The following LRP1B variants were observed in gnomAD, a reference collection of about 807,000 sequenced individuals.
The protein encoded by LRP1B is low-density lipoprotein receptor-related protein 1B.
Under a neutral mutation model 556.6 loss-of-function variants are expected in LRP1B, and 217 were observed. That is an observed-to-expected ratio of 0.39 (90% CI 0.35 to 0.44). LRP1B has a LOEUF of 0.44. Among genes scored for constraint, LRP1B ranks in the 20% least tolerant of loss-of-function variants. The pLI, the probability that LRP1B is intolerant of heterozygous loss-of-function variation, is 1.00. For missense variants in LRP1B, 5,053 were observed against 5,620.8 expected (o/e 0.90, Z 3.23); for synonymous variants, 2,047 against 1,865.8 (o/e 1.10, Z -2.50).
intron 37 of LRP1B, among the ~76,000 whole-genome samples, chr2:140,709,450 G>A (rs1574267213): frequency 6.6e-6 from 1 of 150,896 alleles, no homozygotes; most frequent in Non-Finnish European, 1.5e-5. Context: ...AGGAGCAGGA[G>A]GAAGAAGAAG....
rs941057806 is a variant in LRP1B at position 140,438,086 on chromosome 2, G to A, written c.10414+4418C>T. On this transcript the variant is annotated intron_variant, in intron 66 of 90. Transcript: ENST00000389484. ...TAGGCTACAGTACAGGTGCAACCAT[G>A]GTTCACTGCAGCATCAATCTCCTGG... Among the ~76,000 whole-genome samples, 6 of 152,242 alleles carry A rather than the reference G, an allele frequency of 3.9e-5. 1 individual carries two copies. The highest frequency in any genetic ancestry group is 6.8e-3 in the Middle Eastern group (2 of 294).
intron 24 of LRP1B, among the ~76,000 whole-genome samples, chr2:140,885,334 ATATATT>A: frequency 6.6e-6 from 1 of 151,754 alleles, no homozygotes. Flanking sequence ...CAAAAGAAAT[ATATATT>A]TATGTCAACG....
chr2:141,533,742 T>C (rs1255995764), intron 2 of LRP1B, among the ~76,000 whole-genome samples: 1 of 152,176 alleles, frequency 6.6e-6, no homozygotes, highest in Non-Finnish European at 1.5e-5. Context: ...TGTTTCTTTT[T>C]GTTACAATGC....
At chr2:141,933,687 G>C (rs548746294) in intron 1 of LRP1B, among the ~76,000 whole-genome samples, 9 of 152,166 alleles carry the variant, frequency 5.9e-5, no homozygotes, top group African/African-American at 2.2e-4. Context: ...CTAATAAAAT[G>C]ATTAAAAACA....
chr2:141,598,211 T>G (rs889550984), intron 2 of LRP1B, among the ~76,000 whole-genome samples: 7 of 152,076 alleles, frequency 4.6e-5, no homozygotes, highest in Non-Finnish European at 1.0e-4. Flanking sequence ...ACTATGAATA[T>G]TATTCATCTT....
chr2:141,070,460 C>T (rs918376723), intron 7 of LRP1B, among the ~76,000 whole-genome samples: 3 of 151,644 alleles, frequency 2.0e-5, no homozygotes, highest in African/African-American at 7.3e-5. Context: ...AAAGCAAGAG[C>T]AAACACATTC....
intron 41 of LRP1B, among the ~76,000 whole-genome samples, chr2:140,604,644 T>C (rs1682801154): frequency 6.6e-6 from 1 of 152,090 alleles, no homozygotes; most frequent in African/African-American, 2.4e-5. Context: ...TCACGTCCAT[T>C]AAACACTGGT....
chr2:140,289,400 A>C (rs543008079), intron 84 of LRP1B, among the ~76,000 whole-genome samples: 22 of 152,122 alleles, frequency 1.4e-4, no homozygotes, highest in Non-Finnish European at 3.1e-4. Flanking sequence ...ATACTGATAA[A>C]TCCCCAATGC....
intron 45 of LRP1B, among the ~76,000 whole-genome samples, chr2:140,539,399 T>G (rs16844198): frequency 0.026 from 3,909 of 152,224 alleles, 54 homozygotes; most frequent in African/African-American, 0.034. Context: ...ACAATGGACG[T>G]CGTCTGCCTC....
chr2:140,906,015 T>C (rs1173571917), intron 22 of LRP1B, among the ~76,000 whole-genome samples: 1 of 152,186 alleles, frequency 6.6e-6, no homozygotes, highest in African/African-American at 2.4e-5. Context: ...CTTTTCCTTA[T>C]ATACATTGCT....
chr2:140,657,706 T>G (rs539654698), intron 41 of LRP1B, among the ~76,000 whole-genome samples: 3 of 150,648 alleles, frequency 2.0e-5, no homozygotes, highest in Non-Finnish European at 4.4e-5. Flanking sequence ...GAATCATCAG[T>G]AAGCTAGAAA....
chr2:141,775,665 T>C (rs1044229724), intron 2 of LRP1B, among the ~76,000 whole-genome samples: 2 of 152,190 alleles, frequency 1.3e-5, no homozygotes, highest in African/African-American at 2.4e-5. Flanking sequence ...GCATTAAAGA[T>C]AGACAGGATG....
intron 43 of LRP1B, among the ~76,000 whole-genome samples, chr2:140,544,992 C>G (rs1574063895): frequency 6.6e-6 from 1 of 152,178 alleles, no homozygotes; most frequent in East Asian, 1.9e-4. Context: ...GCCATTCTGA[C>G]TGGTGTGAGA....
At chr2:141,260,086 T>C (rs1321428873) in intron 3 of LRP1B, among the ~76,000 whole-genome samples, 2 of 152,166 alleles carry the variant, frequency 1.3e-5, no homozygotes, top group Non-Finnish European at 2.9e-5. Flanking sequence ...TTGTCATCTC[T>C]TGATGTCTCC....
At chr2:140,748,354 A>ATTATATTCATATG (rs1688409848) in intron 35 of LRP1B, among the ~76,000 whole-genome samples, 1 of 85,220 alleles carries the variant, frequency 1.2e-5, no homozygotes, top group Admixed American at 1.3e-4. Flanking sequence ...ATATTCATAT[A>ATTATATTCATATG]TAATATATAT....
intron 1 of LRP1B, among the ~76,000 whole-genome samples, chr2:141,886,629 T>A (rs1699122419): frequency 6.6e-6 from 1 of 152,222 alleles, no homozygotes; most frequent in Non-Finnish European, 1.5e-5. Flanking sequence ...TCCCAGTACA[T>A]CTGCCAAATA....
intron 31 of LRP1B, among the ~76,000 whole-genome samples, chr2:140,821,952 T>A (rs911123044): frequency 3.3e-5 from 5 of 151,844 alleles, no homozygotes; most frequent in African/African-American, 1.2e-4. Flanking sequence ...GTGAGACAAG[T>A]TGTGCCACTG....
At chr2:140,350,719 T>A in intron 77 of LRP1B, 78 bp downstream of exon 77, 1 of 1,246,324 alleles carries the variant, frequency 8.0e-7, no homozygotes, top group Non-Finnish European at 1.1e-6. Flanking sequence ...TAATTAGATA[T>A]TATATTAGAT....
intron 2 of LRP1B, among the ~76,000 whole-genome samples, chr2:141,771,849 G>T (rs1441345782): frequency 6.6e-6 from 1 of 151,980 alleles, no homozygotes; most frequent in Non-Finnish European, 1.5e-5. Flanking sequence ...ATGAAGTTTT[G>T]CTCTTGTTGC....
Sources: gnomAD v4.1 joint callset for allele counts (sites outside exome capture counted in the v4.1 genomes callset) on GRCh38, gnomAD v4.1.1 for gene constraint, MANE v1.5 for transcripts, NCBI Gene and HGNC (gene_info 2026-07-23, HGNC 2026-07-21) for gene names.